The following NRXN2 variants were observed in gnomAD, a reference collection of about 807,000 sequenced individuals.
NRXN2 encodes the protein neurexin 2, also known as neurexin-2-beta.
NRXN2 carries 29 observed loss-of-function variants against 128.8 expected under a neutral mutation model. That is an observed-to-expected ratio of 0.23 (90% CI 0.17 to 0.31). NRXN2 has a LOEUF of 0.31. Among genes scored for constraint, NRXN2 ranks in the 10% least tolerant of loss-of-function variants. The probability of loss-of-function intolerance (pLI) is 1.00; values close to 1 mark genes in which losing one functional copy is unlikely to be tolerated. For synonymous variants in NRXN2, 1,098 were observed against 1,075.2 expected (o/e 1.02, Z -0.41); for missense variants, 1,881 against 2,452.6 (o/e 0.77, Z 4.92).
At position 64,660,309 on chromosome 11, in the gene NRXN2, G is replaced by A. The variant is rs757348094; in HGVS notation, c.2389+23C>T. 5.0e-6 allele frequency: 8 copies of A among 1,611,526 alleles called. No homozygotes were observed. The highest frequency in any genetic ancestry group is 5.9e-6 in the Non-Finnish European group (7 of 1,179,060). On this transcript the variant is annotated intron_variant, in intron 11 of 22. Transcript: ENST00000265459. The surrounding 1 kb of genome is among the most constrained non-coding windows in gnomAD (Gnocchi z 5.2). ...GAGACAAGGCCAGGTGAGGGGTCAG[G>A]AAGCACAGGGCAGGGTGGTTACCGA...
rs977691801 is a variant in NRXN2 at position 64,635,836 on chromosome 11, G to A, written c.3404-384C>T. ...GACTAGCTCCACTTCTCCCAGGCCT[G>A]GCAGAGGTGACAGATCCAAGGTGTG... On this transcript the variant is annotated intron_variant, in intron 17 of 22. Coordinates refer to ENST00000265459, the MANE Select transcript of NRXN2 (RefSeq NM_015080.4). This position sits in a 1 kb window ranked among gnomAD's most constrained non-coding sequence, Gnocchi z 4.8. 3.9e-5 allele frequency among the ~76,000 whole-genome samples: 6 copies of A among 152,070 alleles called. No homozygotes were observed. The South Asian group carries it at 1.2e-3, about 32-fold the overall frequency.
intron 2 of NRXN2, among the ~76,000 whole-genome samples, chr11:64,711,771 T>C (rs1029772492): frequency 1.7e-4 from 26 of 152,194 alleles, no homozygotes; most frequent in Non-Finnish European, 7.3e-5. Flanking sequence ...TGGCCATCTC[T>C]GACCCTCACC....
At chr11:64,687,795 C>A (rs1171676287) in intron 5 of NRXN2, among the ~76,000 whole-genome samples, 4 of 152,056 alleles carry the variant, frequency 2.6e-5, no homozygotes, top group African/African-American at 2.4e-5. Context: ...GCAAGCCCTG[C>A]GGGAACAGGT....
chr11:64,721,407 C>A (rs1203285653), intron 1 of NRXN2, among the ~76,000 whole-genome samples: 1 of 151,984 alleles, frequency 6.6e-6, no homozygotes, highest in African/African-American at 2.4e-5. Context: ...CCCGCCCACC[C>A]CTGTGGATCT....
In NRXN2 at chr11:64,667,337, A is replaced by T; in HGVS notation, c.1711T>A (p.Ser571Thr). 6.2e-7 allele frequency: 1 copy of T among 1,614,192 alleles called. No homozygotes were observed. Among genetic ancestry groups the T allele is most frequent in the Non-Finnish European group, 8.5e-7 (1 of 1,180,042 alleles). Residue 571 changes from serine (S) to threonine (T), a missense_variant, in exon 9 of 23, where the codon TCT (serine) becomes ACT (threonine). This residue lies in a region of NRXN2 where 997 missense variants were observed against 1,240.8 expected (regional missense o/e 0.80). Coordinates refer to ENST00000265459, the MANE Select transcript of NRXN2 (RefSeq NM_015080.4). This position sits in a 1 kb window ranked among gnomAD's most constrained non-coding sequence, Gnocchi z 5.6. ...GHLYLLLDMG[S>T]GGIKLRASSR... ...GATGCCCGCAGCTTGATGCCCCCAG[A>T]TCCCATGTCCAGCAGAAGATAGAGG...
chr11:64,706,389 T>C (rs1182358925), intron 2 of NRXN2, among the ~76,000 whole-genome samples: 1 of 148,148 alleles, frequency 6.8e-6, no homozygotes, highest in Non-Finnish European at 1.5e-5. Context: ...GTTCTCATTG[T>C]TCAATTCCCA....
At chr11:64,617,468 A>G (rs2041716580) in intron 22 of NRXN2, among the ~76,000 whole-genome samples, 1 of 152,238 alleles carries the variant, frequency 6.6e-6, no homozygotes, top group Non-Finnish European at 1.5e-5. Flanking sequence ...CCCATTCAAA[A>G]GCCAACCTCA....
intron 8 of NRXN2, 115 bp downstream of exon 8, chr11:64,668,328 T>C (rs1482296070): frequency 3.0e-6 from 4 of 1,332,020 alleles, no homozygotes; most frequent in Non-Finnish European, 4.2e-6. Context: ...TCTCCCACCA[T>C]GGACTTGGAA....
chr11:64,655,747 G>A (rs2048181166), intron 11 of NRXN2, among the ~76,000 whole-genome samples: 1 of 152,202 alleles, frequency 6.6e-6, no homozygotes, highest in Admixed American at 6.5e-5. Flanking sequence ...AGTAGGGTTT[G>A]CAAGAGCAAA....
intron 11 of NRXN2, among the ~76,000 whole-genome samples, chr11:64,655,151 C>T (rs1272008794): frequency 6.6e-6 from 1 of 152,242 alleles, no homozygotes; most frequent in Non-Finnish European, 1.5e-5. Flanking sequence ...TGGAGGTAAA[C>T]TGATGCCCCT....
intron 6 of NRXN2, among the ~76,000 whole-genome samples, chr11:64,682,531 T>C (rs1000114984): frequency 6.6e-6 from 1 of 152,148 alleles, no homozygotes; most frequent in Non-Finnish European, 1.5e-5. Flanking sequence ...GAGGACTGCA[T>C]CCTTGGGGAC....
chr11:64,662,642 C>T (rs949502904), intron 9 of NRXN2, among the ~76,000 whole-genome samples: 6 of 151,512 alleles, frequency 4.0e-5, no homozygotes, highest in African/African-American at 7.3e-5. Flanking sequence ...ATTAGCTGGG[C>T]GTGGTGGCGG....
intron 17 of NRXN2, among the ~76,000 whole-genome samples, chr11:64,644,899 A>G (rs980646562): frequency 1.3e-5 from 2 of 152,070 alleles, no homozygotes; most frequent in African/African-American, 2.4e-5. Context: ...CACGAGCCCC[A>G]TGTGCCACCC....
chr11:64,626,343 T>C, intron 20 of NRXN2, 120 bp downstream of exon 20: 3 of 767,996 alleles, frequency 3.9e-6, no homozygotes, highest in Admixed American at 2.1e-5. Context: ...GGCTGGCCAA[T>C]TGTCCCTTCA....
At chr11:64,665,694 G>A (rs1426780649) in intron 9 of NRXN2, among the ~76,000 whole-genome samples, 1 of 152,226 alleles carries the variant, frequency 6.6e-6, no homozygotes, top group Non-Finnish European at 1.5e-5. Context: ...ATGGGGAGGA[G>A]CGGTCACTCC....
chr11:64,695,650 A>C (rs910764116), intron 3 of NRXN2, among the ~76,000 whole-genome samples: 9 of 152,072 alleles, frequency 5.9e-5, no homozygotes, highest in African/African-American at 2.2e-4. Context: ...CCAAATTAAG[A>C]GACACACAAG....
At chr11:64,698,813 T>C (rs2054888151) in intron 2 of NRXN2, among the ~76,000 whole-genome samples, 2 of 152,228 alleles carry the variant, frequency 1.3e-5, no homozygotes, top group Non-Finnish European at 2.9e-5. Flanking sequence ...TCAAGCAGGT[T>C]GGGCTCTGAT....
rs1395477770 is a variant in NRXN2 at position 64,631,151 on chromosome 11, T to TC, written c.3586-579dup. 2.6e-5 allele frequency among the ~76,000 whole-genome samples: 4 copies of TC among 152,118 alleles called. No individual in the cohort carries two copies. The highest frequency in any genetic ancestry group is 5.9e-5 in the Non-Finnish European group (4 of 67,996). ...CTCTCAGGCCCAAAGTAGGTCAGGC[T>TC]CTGAGTGTGGGGGTGGACCCTCTGC... is the stretch of plus-strand genomic sequence containing the variant. On this transcript the variant is annotated intron_variant, in intron 18 of 22. Transcript: ENST00000265459. This position sits in a 1 kb window ranked among gnomAD's most constrained non-coding sequence, Gnocchi z 4.8.
chr11:64,640,011 C>T (rs945264837), intron 17 of NRXN2, among the ~76,000 whole-genome samples: 3 of 152,122 alleles, frequency 2.0e-5, no homozygotes, highest in Non-Finnish European at 2.9e-5. Context: ...CCCTTCTCCT[C>T]CTTTCCTTGG....
Sources: gnomAD v4.1 joint callset for allele counts (sites outside exome capture counted in the v4.1 genomes callset) on GRCh38, gnomAD v4.1.1 for gene constraint, gnomAD v4.1.1 regional missense constraint, Gnocchi (gnomAD v3.1) non-coding constraint, MANE v1.5 for transcripts, NCBI Gene and HGNC (gene_info 2026-07-23, HGNC 2026-07-21) for gene names.